Variants in ZRANB3 observed in about 807,000 individuals in gnomAD.
The protein encoded by ZRANB3 is zinc finger RANBP2-type containing 3.
A neutral mutation model predicts 133.8 loss-of-function variants in ZRANB3; 125 were observed. That is an observed-to-expected ratio of 0.93 (90% CI 0.81 to 1.08). ZRANB3 has a LOEUF of 1.08. Ranked by LOEUF, ZRANB3 falls within the 50% of genes least tolerant of loss-of-function variation. The pLI is 0.00. For missense variants in ZRANB3, 1,229 were observed against 1,275.5 expected, an observed-to-expected ratio of 0.96 and a Z score of 0.56; for synonymous variants, 387 against 432.7, an observed-to-expected ratio of 0.89 and a Z score of 1.31.
At chr2:135,234,232 A>T (rs1273370086) in intron 12 of ZRANB3, among the ~76,000 whole-genome samples, 2 of 152,240 alleles carry the variant, frequency 1.3e-5, no homozygotes, top group African/African-American at 4.8e-5. Flanking sequence ...TCAATTCAAC[A>T]AGAAGAGCTA....
chr2:135,520,322 G>A (rs901576732), intron 1 of ZRANB3, among the ~76,000 whole-genome samples: 1 of 152,090 alleles, frequency 6.6e-6, no homozygotes, highest in Non-Finnish European at 1.5e-5. Flanking sequence ...TTGAACCCAG[G>A]AGACGGAGGT....
chr2:135,229,366 ATT>A (rs528864234), intron 13 of ZRANB3, among the ~76,000 whole-genome samples: 109 of 136,548 alleles, frequency 8.0e-4, no homozygotes, highest in African/African-American at 2.1e-3. Flanking sequence ...CAATGCCAAT[ATT>A]TTTTTTTTTT....
At chr2:135,370,893 T>A (rs1416145066) in intron 3 of ZRANB3, among the ~76,000 whole-genome samples, 2 of 152,188 alleles carry the variant, frequency 1.3e-5, no homozygotes, top group Non-Finnish European at 2.9e-5. Flanking sequence ...AATGAGTGAA[T>A]CTCATGAGAT....
intron 8 of ZRANB3, among the ~76,000 whole-genome samples, chr2:135,295,588 A>T (rs925519022): frequency 4.6e-5 from 7 of 152,088 alleles, no homozygotes; most frequent in Admixed American, 2.6e-4. Flanking sequence ...TTTAAGGTTA[A>T]TATTGTTATG....
intron 2 of ZRANB3, among the ~76,000 whole-genome samples, chr2:135,440,543 A>T (rs1301064740): frequency 6.6e-6 from 1 of 152,192 alleles, no homozygotes; most frequent in Non-Finnish European, 1.5e-5. Context: ...TATGGTAAGA[A>T]ATGTGGATGG....
intron 2 of ZRANB3, among the ~76,000 whole-genome samples, chr2:135,411,047 T>C (rs544688067): frequency 6.6e-6 from 1 of 152,120 alleles, no homozygotes; most frequent in Non-Finnish European, 1.5e-5. Flanking sequence ...AAGACCAGCC[T>C]AGGTAACATG....
At chr2:135,320,608 A>T (rs957981179) in intron 6 of ZRANB3, among the ~76,000 whole-genome samples, 11 of 152,218 alleles carry the variant, frequency 7.2e-5, no homozygotes, top group Admixed American at 2.6e-4. Flanking sequence ...TATATAATTT[A>T]AAAAAGTCAT....
In ZRANB3 at chr2:135,217,629, A is replaced by T. The variant is rs72980377; in HGVS notation, c.2353-22T>A. On this transcript the variant is annotated intron_variant, in intron 16 of 20. Coordinates refer to ENST00000264159, the MANE Select transcript of ZRANB3 (RefSeq NM_032143.4). The stretch of plus-strand genomic sequence containing the variant: ...AAATCTGGCAGAAAATGAGATAATA[A>T]GAGTTAACAGCTCACAGGCAGATAT... 8.0e-3 allele frequency: 12,913 copies of T among 1,606,402 alleles called. 959 individuals carry two copies. The African/African-American group carries it at 0.16, about 19-fold the overall frequency.
intron 12 of ZRANB3, among the ~76,000 whole-genome samples, chr2:135,253,379 C>T (rs2105097504): frequency 6.6e-6 from 1 of 152,232 alleles, no homozygotes; most frequent in Middle Eastern, 3.4e-3. Flanking sequence ...AAAGCCTGGA[C>T]AGGGAGTGGA....
At chr2:135,382,127 C>G (rs1466951918) in intron 3 of ZRANB3, among the ~76,000 whole-genome samples, 1 of 152,106 alleles carries the variant, frequency 6.6e-6, no homozygotes, top group Non-Finnish European at 1.5e-5. Flanking sequence ...ACTAGAATAA[C>G]CAATGCAGAG....
chr2:135,360,312 C>T lies in ZRANB3; in HGVS notation c.181-6684G>A, dbSNP rs1045937311. On this transcript the variant is annotated intron_variant, in intron 3 of 20. Transcript: ENST00000264159. ...AGGAGAATTGCTTGAACAGGGGAGG[C>T]GGAGGTTGCAGTGAGCTGAGATCAT... Among the ~76,000 whole-genome samples, 4 of 151,902 alleles carry T rather than the reference C, an allele frequency of 2.6e-5. No individual in the cohort carries two copies. In the South Asian group the frequency reaches 6.2e-4, roughly 24 times the overall value.
At chr2:135,494,506 C>G (rs1692577885) in intron 2 of ZRANB3, among the ~76,000 whole-genome samples, 1 of 151,906 alleles carries the variant, frequency 6.6e-6, no homozygotes, top group African/African-American at 2.4e-5. Context: ...TATGCTAAAT[C>G]CAAGAGAGGG....
At chr2:135,311,286 G>A (rs534799437) in intron 8 of ZRANB3, among the ~76,000 whole-genome samples, 162 of 152,080 alleles carry the variant, frequency 1.1e-3, no homozygotes, top group African/African-American at 3.7e-3. Flanking sequence ...CGACAATAAC[G>A]GCTAAAATGA....
intron 2 of ZRANB3, among the ~76,000 whole-genome samples, chr2:135,483,230 G>T (rs924250545): frequency 5.9e-5 from 9 of 151,320 alleles, no homozygotes; most frequent in African/African-American, 1.5e-4. Context: ...GAATTCGGCT[G>T]TGAATACATC....
In ZRANB3 at chr2:135,379,183, T is replaced by TA. The variant is rs926033649; in HGVS notation, c.180+11618dup. Among the ~76,000 whole-genome samples, 61 of 152,280 alleles carry TA rather than the reference T, an allele frequency of 4.0e-4. 1 individual carries two copies. Among genetic ancestry groups the TA allele is most frequent in the African/African-American group, 1.4e-3 (58 of 41,564 alleles). On this transcript the variant is annotated intron_variant, in intron 3 of 20. Transcript: ENST00000264159. ...CTATAAATCTAAAATTGTATTAAAT[T>TA]AAAAATTTTTTTAAAAGAGCACATT...
intron 2 of ZRANB3, among the ~76,000 whole-genome samples, chr2:135,394,660 T>C (rs886775547): frequency 1.3e-5 from 2 of 152,060 alleles, no homozygotes; most frequent in Non-Finnish European, 2.9e-5. Flanking sequence ...TAATAAGATA[T>C]AGTTAACACT....
At chr2:135,200,798 G>A (rs1693591466) in intron 20 of ZRANB3, among the ~76,000 whole-genome samples, 2 of 138,272 alleles carry the variant, frequency 1.4e-5, no homozygotes, top group South Asian at 2.3e-4. Context: ...TTCTTTTGCC[G>A]AGGCTGAAGT....
intron 1 of ZRANB3, among the ~76,000 whole-genome samples, chr2:135,528,171 CAG>C (rs1283273190): frequency 3.3e-5 from 5 of 150,324 alleles, no homozygotes; most frequent in East Asian, 2.0e-4. Context: ...TTGTTTGAGA[CAG>C]AGTCTCCTGT....
At chr2:135,448,853 G>A (rs1391838182) in intron 2 of ZRANB3, among the ~76,000 whole-genome samples, 1 of 152,198 alleles carries the variant, frequency 6.6e-6, no homozygotes, top group Non-Finnish European at 1.5e-5. Context: ...GTGGCAGACT[G>A]TACTGTCTAA....
Sources: allele counts gnomAD v4.1 joint callset (sites outside exome capture counted in the v4.1 genomes callset), GRCh38; gene constraint gnomAD v4.1.1; transcripts MANE v1.5; gene names NCBI Gene and HGNC (gene_info 2026-07-23, HGNC 2026-07-21).